KIF19: variants seen among roughly 807,000 people sequenced by gnomAD.
The protein encoded by KIF19 is kinesin family member 19.
A neutral mutation model predicts 106.6 loss-of-function variants in KIF19; 98 were observed. That is an observed-to-expected ratio of 0.92 (90% confidence interval 0.78 to 1.09). The LOEUF (loss-of-function observed/expected upper bound fraction) is 1.09, where lower values mean the gene tolerates loss of function less well. KIF19 is among the 50% of genes least tolerant of loss of function. The probability of loss-of-function intolerance (pLI) is 0.00; values close to 1 mark genes in which losing one functional copy is unlikely to be tolerated. For synonymous variants in KIF19, 516 were observed against 584.2 expected (o/e 0.88, Z 1.68); for missense variants, 1,373 against 1,414.3 (o/e 0.97, Z 0.47).
intron 3 of KIF19, 145 bp from the exon 4 acceptor site, chr17:74,342,485 C>T: frequency 1.5e-6 from 1 of 650,288 alleles, no homozygotes; most frequent in South Asian, 1.8e-5. Context: ...AGAGACATCC[C>T]CTCCCCCACC....
intron 2 of KIF19, among the ~76,000 whole-genome samples, chr17:74,337,334 C>A (rs374440891): frequency 1.7e-5 from 2 of 117,088 alleles, no homozygotes; most frequent in Non-Finnish European, 3.9e-5. Flanking sequence ...TGCATGTGCT[C>A]ACGGGGTGGG....
In KIF19 at chr17:74,346,890, G is replaced by A. The variant is rs1291354013; in HGVS notation, c.924+366G>A. 6.6e-6 allele frequency among the ~76,000 whole-genome samples: 1 copy of A among 152,156 alleles called. No individual in the cohort carries two copies. The highest frequency in any genetic ancestry group is 1.5e-5 in the Non-Finnish European group (1 of 68,028). On this transcript the variant is annotated intron_variant, in intron 8 of 19. Coordinates refer to ENST00000389916, the MANE Select transcript of KIF19 (RefSeq NM_153209.4). The surrounding 1 kb of genome is among the most constrained non-coding windows in gnomAD (Gnocchi z 4.6). ...GGCCCCACAGGTCAGCTGTTTGGGG[G>A]TGGCCTCCTTTGTGCAGGGGTGTCC...
intron 2 of KIF19, among the ~76,000 whole-genome samples, chr17:74,329,740 C>G (rs1489205320): frequency 6.6e-6 from 1 of 152,128 alleles, no homozygotes; most frequent in Non-Finnish European, 1.5e-5. Flanking sequence ...GTTGAGGACT[C>G]GTGCTGGGAT....
chr17:74,355,095 C>T, intron 19 of KIF19, 87 bp from the exon 20 acceptor site: 3 of 1,546,214 alleles, frequency 1.9e-6, no homozygotes, highest in South Asian at 1.2e-5. Context: ...GGGTGGTGCC[C>T]CTAGAGAGTT....
chr17:74,354,425 G>T lies in KIF19; in HGVS notation c.2572G>T (p.Val858Phe). The stretch of plus-strand genomic sequence containing the variant: ...CACGGGCGAGGCCCCGTCCCGGGCA[G>T]TCGGACATCATGGGGACGGCCCCAG... ...SSTGEAPSRA[V>F]GHHGDGPRPW... Residue 858 changes from valine to phenylalanine, a missense_variant, in exon 18 of 20, where the codon GTC becomes TTC. This residue lies in a region of KIF19 where 1,020 missense variants were observed against 1,008.2 expected (regional missense o/e 1.01). Transcript: ENST00000389916. 1 of 1,611,420 alleles carries T rather than the reference G, an allele frequency of 6.2e-7. No individual in the cohort carries two copies. Among genetic ancestry groups the T allele is most frequent in the Non-Finnish European group, 8.5e-7 (1 of 1,179,344 alleles).
chr17:74,346,328 C>T lies in KIF19; in HGVS notation c.778-50C>T, dbSNP rs1244009586. The T allele has an allele frequency of 6.5e-7, 1 of 1,530,732 alleles. No individual in the cohort carries two copies. The highest frequency in any genetic ancestry group is 8.8e-7 in the Non-Finnish European group (1 of 1,132,428). 94.8% of individuals were successfully genotyped at this position (1,530,732 alleles called of 1,614,324 possible). A position where few individuals can be genotyped will look rare whatever the true frequency, so the allele number is the denominator to read the frequency against. ...TTGGTGGGGTGGCTGGGGAGAAACC[C>T]AGTCCCCTGCCTCATCAGGCCACAC... is the stretch of plus-strand genomic sequence containing the variant. On this transcript the variant is annotated intron_variant, in intron 7 of 19. Coordinates refer to ENST00000389916, the MANE Select transcript of KIF19 (RefSeq NM_153209.4). This position sits in a 1 kb window ranked among gnomAD's most constrained non-coding sequence, Gnocchi z 4.6.
At chr17:74,337,901 G>A (rs530828713) in intron 2 of KIF19, among the ~76,000 whole-genome samples, 21 of 152,354 alleles carry the variant, frequency 1.4e-4, no homozygotes, top group Admixed American at 7.2e-4. Context: ...GTGCTAGAGG[G>A]GACAGGAATA....
At chr17:74,342,362 G>A (rs1005058566) in intron 3 of KIF19, among the ~76,000 whole-genome samples, 34 of 152,298 alleles carry the variant, frequency 2.2e-4, no homozygotes, top group African/African-American at 7.9e-4. Context: ...ATGCTCCCAG[G>A]AACAGATGTG....
In KIF19 at chr17:74,343,180, C is replaced by T; in HGVS notation, c.456+20C>T. 1.2e-6 allele frequency: 2 copies of T among 1,609,828 alleles called. No individual in the cohort carries two copies. The highest frequency in any genetic ancestry group is 1.7e-6 in the Non-Finnish European group (2 of 1,178,980). The stretch of plus-strand genomic sequence containing the variant: ...CTGGAGGTGAGTCCCCCAGCCTAGG[C>T]TCAGATGGGGCTGGCCTCCCTCCCT... On this transcript the variant is annotated intron_variant, in intron 5 of 19. Coordinates refer to ENST00000389916, the MANE Select transcript of KIF19 (RefSeq NM_153209.4).
At chr17:74,332,216 G>GTGTGTT (rs2054111557) in intron 2 of KIF19, among the ~76,000 whole-genome samples, 14 of 54,368 alleles carry the variant, frequency 2.6e-4, no homozygotes, top group Non-Finnish European at 6.2e-4. Flanking sequence ...GTGTTTGTGT[G>GTGTGTT]TGTGTGTGTG....
rs777433974 is a variant in KIF19 at position 74,353,197 on chromosome 17, G to A, written c.2116G>A (p.Glu706Lys). The A allele has an allele frequency of 6.3e-7, 1 of 1,581,928 alleles. No individual in the cohort carries two copies. The highest frequency in any genetic ancestry group is 8.6e-7 in the Non-Finnish European group (1 of 1,164,140). ...SALPPLSTES[E>K]GHHVFKAGTG... ...CTCATCTTCCTCTGCCAACTTCAGT[G>A]AAGGCCACCACGTGTTCAAGGCTGG... The change falls in exon 16 of 20, where the codon GAA (glutamate) becomes AAA (lysine). Residue 706 changes from glutamate (E) to lysine (K), a missense_variant and splice_region_variant. Physicochemically the swap from Glu to Lys is moderately conservative, Grantham distance 56. This residue lies in a region of KIF19 where 1,020 missense variants were observed against 1,008.2 expected (regional missense o/e 1.01). Transcript: ENST00000389916.
chr17:74,345,475 C>T (rs2054508900), intron 7 of KIF19, among the ~76,000 whole-genome samples: 1 of 152,196 alleles, frequency 6.6e-6, no homozygotes, highest in Non-Finnish European at 1.5e-5. Flanking sequence ...GCATCTTTGT[C>T]CCCTCTCATG....
In KIF19 at chr17:74,350,716, T is replaced by C. The variant is rs11077744; in HGVS notation, c.1398T>C (p.His466=). ...RHLLTIAGWK[H]EKSRRALKWR... is the part of the protein sequence containing the mutation. ...GGTGGGGCTGCGGCAGCTGGAAGCATGAGAAGTCCCGCCGGGCCCTCAAAT... is the reference window on the plus strand; with the variant it reads ...GGTGGGGCTGCGGCAGCTGGAAGCACGAGAAGTCCCGCCGGGCCCTCAAAT... Residue 466 remains histidine, a synonymous_variant, in exon 12 of 20, where the codon CAT becomes CAC. Coordinates refer to ENST00000389916, the MANE Select transcript of KIF19 (RefSeq NM_153209.4). 1,238,060 of 1,613,396 alleles carry C rather than the reference T, an allele frequency of 0.77. 487,507 individuals are homozygous for C. The highest frequency in any genetic ancestry group is 0.8 in the Non-Finnish European group (947,475 of 1,179,790).
At chr17:74,339,324 C>T (rs1341117357) in intron 2 of KIF19, among the ~76,000 whole-genome samples, 2 of 151,908 alleles carry the variant, frequency 1.3e-5, no homozygotes, top group African/African-American at 4.8e-5. Context: ...AGCAACATGA[C>T]TTTGTGCCTC....
rs531061555 is a variant in KIF19 at position 74,342,771 on chromosome 17, G to A, written c.319+54G>A. On this transcript the variant is annotated intron_variant, in intron 4 of 19. Coordinates refer to ENST00000389916, the MANE Select transcript of KIF19 (RefSeq NM_153209.4). ...GGACCGCAATGCCCCTGTAATCCCC[G>A]TCACCCTCCAACTAGTCTGACCCCA... The A allele has an allele frequency of 1.3e-4, 190 of 1,519,476 alleles. 2 individuals are homozygous for A. The South Asian group carries it at 1.5e-3, about 12-fold the overall frequency. 94.1% of individuals were successfully genotyped at this position (1,519,476 alleles called of 1,614,324 possible). A position where few individuals can be genotyped will look rare whatever the true frequency, so the allele number is the denominator to read the frequency against.
Position 74,355,485 on chromosome 17 carries a change from T to C in KIF19, c.*173T>C. 1 of 825,230 alleles carries C rather than the reference T, an allele frequency of 1.2e-6. No individual in the cohort carries two copies. Among genetic ancestry groups the C allele is most frequent in the Non-Finnish European group, 1.8e-6 (1 of 557,870 alleles). 51.1% of individuals were successfully genotyped at this position (825,230 alleles called of 1,614,324 possible). ...GGTCTCTGCCCAACCCTCCCATGCT[T>C]TCAGTGCCACTGGGGAAAAGAGGTG... On this transcript the variant is annotated 3_prime_UTR_variant, in exon 20 of 20. Transcript: ENST00000389916.
rs774313472 is a variant in KIF19, at chr17:74,352,981, C to T, written c.2114+27C>T. 12 of 1,612,774 alleles carry T rather than the reference C, an allele frequency of 7.4e-6. No homozygotes were observed. In the South Asian group the frequency reaches 1.3e-4, roughly 18 times the overall value. On this transcript the variant is annotated intron_variant, in intron 15 of 19. Transcript: ENST00000389916. ...TGAGATGGGGGCCACCTGCCCCAGC[C>T]CCCACCCTGTGCCCTGTCCCAGAGA...
chr17:74,349,429 A>G, intron 10 of KIF19, 80 bp downstream of exon 10: 1 of 1,412,438 alleles, frequency 7.1e-7, no homozygotes, highest in Admixed American at 2.8e-5. Flanking sequence ...TGTTGTGTTC[A>G]AATCCAGAAT....
chr17:74,351,815 G>A, intron 12 of KIF19, 52 bp from the exon 13 acceptor site: 1 of 1,367,740 alleles, frequency 7.3e-7, no homozygotes, highest in Non-Finnish European at 9.4e-7. Context: ...AGCTGGGCAG[G>A]CGGATCGGAC....
Sources: allele counts gnomAD v4.1 joint callset (sites outside exome capture counted in the v4.1 genomes callset), GRCh38; gene constraint gnomAD v4.1.1; regional missense constraint gnomAD v4.1.1; non-coding constraint Gnocchi (gnomAD v3.1); transcripts MANE v1.5; gene names NCBI Gene and HGNC (gene_info 2026-07-23, HGNC 2026-07-21).